TMEM156: variants seen among roughly 807,000 people sequenced by gnomAD.
TMEM156 encodes the protein transmembrane protein 156.
A neutral mutation model predicts 30.5 loss-of-function variants in TMEM156; 28 were observed. The ratio of observed to expected loss-of-function variants is 0.92; its 90% CI spans 0.68 to 1.26. The LOEUF (loss-of-function observed/expected upper bound fraction) is 1.26. Among genes scored for constraint, TMEM156 ranks in the 50% most tolerant of loss-of-function variants. The pLI, the probability that TMEM156 is intolerant of heterozygous loss-of-function variation, is 0.00. For missense variants in TMEM156, 351 were observed against 340.6 expected (o/e 1.03, Z -0.24); for synonymous variants, 137 against 119.9 (o/e 1.14, Z -0.93).
chr4:39,001,932 A>G (rs1259745879), intron 1 of TMEM156, among the ~76,000 whole-genome samples: 2 of 143,002 alleles, frequency 1.4e-5, no homozygotes, highest in African/African-American at 5.0e-5. Flanking sequence ...TAAAAACCCT[A>G]GAAGAAAACC....
chr4:39,001,140 G>A (rs1033795534), intron 1 of TMEM156, among the ~76,000 whole-genome samples: 4 of 151,090 alleles, frequency 2.6e-5, no homozygotes, highest in African/African-American at 7.3e-5. Flanking sequence ...GGAGGCTGAG[G>A]CGGGTGGATC....
At chr4:39,017,731 A>G (rs1714595202) in intron 1 of TMEM156, among the ~76,000 whole-genome samples, 1 of 152,188 alleles carries the variant, frequency 6.6e-6, no homozygotes, top group African/African-American at 2.4e-5. Context: ...ATTCTTGTGA[A>G]TTGAAACTTC....
chr4:39,008,477 T>C (rs189800924), intron 1 of TMEM156, among the ~76,000 whole-genome samples: 6 of 152,316 alleles, frequency 3.9e-5, no homozygotes, highest in Admixed American at 1.3e-4. Flanking sequence ...AATTTGATCA[T>C]TCTTCTACAT....
intron 1 of TMEM156, among the ~76,000 whole-genome samples, chr4:39,025,905 T>C (rs1217650573): frequency 6.6e-6 from 1 of 152,354 alleles, no homozygotes; most frequent in Middle Eastern, 3.4e-3. Context: ...AATCACAAGA[T>C]GTTTGTGAAC....
At chr4:39,016,337 T>C (rs1714480105) in intron 1 of TMEM156, among the ~76,000 whole-genome samples, 1 of 150,198 alleles carries the variant, frequency 6.7e-6, no homozygotes, top group Non-Finnish European at 1.5e-5. Context: ...CACATCACTG[T>C]ACTCCAGGCT....
chr4:39,029,247 A>G (rs1358349318), intron 1 of TMEM156, among the ~76,000 whole-genome samples: 1 of 152,046 alleles, frequency 6.6e-6, no homozygotes, highest in Non-Finnish European at 1.5e-5. Flanking sequence ...TATAATATTT[A>G]TCTTAGAAAT....
intron 5 of TMEM156, among the ~76,000 whole-genome samples, chr4:38,982,961 C>T (rs919727414): frequency 3.3e-5 from 5 of 152,100 alleles, no homozygotes; most frequent in African/African-American, 1.2e-4. Flanking sequence ...AGATATTATC[C>T]CCTCTCCCTG....
At chr4:38,987,472 G>A (rs192688985) in intron 4 of TMEM156, among the ~76,000 whole-genome samples, 1 of 152,226 alleles carries the variant, frequency 6.6e-6, no homozygotes, top group South Asian at 2.1e-4. Context: ...CACTTGATAT[G>A]AAACTGCTCT....
rs9631712 is a variant in TMEM156 at position 39,015,408 on chromosome 4, T to C, written c.89-16499A>G. Reference sequence around the variant, plus strand: ...GGTAGCAGAAGAGTCAATGTCAGAGTGATACAATATGAGAAAGACTCAGCA... The same window carrying C: ...GGTAGCAGAAGAGTCAATGTCAGAGCGATACAATATGAGAAAGACTCAGCA... On this transcript the variant is annotated intron_variant, in intron 1 of 6. Transcript: ENST00000381938. Among the ~76,000 whole-genome samples the C allele has an allele frequency of 8.1e-3, 1,233 of 152,042 alleles. 25 individuals are homozygous for C. The highest frequency in any genetic ancestry group is 0.028 in the African/African-American group (1,145 of 41,448).
rs1223289044 is a variant in TMEM156, at chr4:39,001,172, C to T, written c.89-2263G>A. 3.4e-5 allele frequency among the ~76,000 whole-genome samples: 5 copies of T among 146,082 alleles called. No homozygotes were observed. The South Asian group carries it at 6.5e-4, about 19-fold the overall frequency. On this transcript the variant is annotated intron_variant, in intron 1 of 6. Coordinates refer to ENST00000381938, the MANE Select transcript of TMEM156 (RefSeq NM_024943.3). ...GATCACGAGGTCAGGAGATGGAGAC[C>T]ATCCTGGCTAACACAGTGAAACCCC...
At chr4:38,987,633 C>T (rs1034782245) in intron 4 of TMEM156, among the ~76,000 whole-genome samples, 1 of 152,218 alleles carries the variant, frequency 6.6e-6, no homozygotes, top group African/African-American at 2.4e-5. Flanking sequence ...ACAACCACCA[C>T]AATACTACTG....
At chr4:38,986,300 C>T in intron 5 of TMEM156, 36 bp downstream of exon 5, 2 of 1,472,668 alleles carry the variant, frequency 1.4e-6, no homozygotes, top group South Asian at 1.1e-5. Context: ...TTGGAATTTC[C>T]TGAGTGCTGT....
At chr4:38,981,923 T>C (rs1711594190) in intron 5 of TMEM156, among the ~76,000 whole-genome samples, 1 of 152,186 alleles carries the variant, frequency 6.6e-6, no homozygotes, top group Admixed American at 6.5e-5. Context: ...CAGTAAATAT[T>C]GGTTAAATAC....
At chr4:38,996,675 T>G (rs1394782764) in intron 2 of TMEM156, among the ~76,000 whole-genome samples, 1 of 152,152 alleles carries the variant, frequency 6.6e-6, no homozygotes, top group Non-Finnish European at 1.5e-5. Flanking sequence ...CCGGCTACTA[T>G]GGAAAACTGT....
At chr4:39,000,831 G>A (rs1713289785) in intron 1 of TMEM156, among the ~76,000 whole-genome samples, 2 of 152,070 alleles carry the variant, frequency 1.3e-5, no homozygotes, top group African/African-American at 4.8e-5. Flanking sequence ...AGGTTGCAGT[G>A]AGCCAAGATC....
chr4:39,001,403 A>G (rs1489651703), intron 1 of TMEM156, among the ~76,000 whole-genome samples: 2 of 151,580 alleles, frequency 1.3e-5, no homozygotes, highest in East Asian at 3.9e-4. Context: ...AAAGAAAAAA[A>G]AAAAAGAAAG....
At chr4:39,019,026 A>AG (rs1560384231) in intron 1 of TMEM156, among the ~76,000 whole-genome samples, 4 of 111,048 alleles carry the variant, frequency 3.6e-5, no homozygotes, top group African/African-American at 5.8e-5. Flanking sequence ...ATCTTAAAAA[A>AG]ACAAAACAAA....
At chr4:39,032,005 T>C (rs542705112) in intron 1 of TMEM156, among the ~76,000 whole-genome samples, 46 of 152,300 alleles carry the variant, frequency 3.0e-4, no homozygotes, top group South Asian at 1.0e-3. Context: ...ATTTTAAATA[T>C]TTTCATTTTT....
At chr4:38,970,092 C>A (rs139311995) in intron 6 of TMEM156, among the ~76,000 whole-genome samples, 1 of 152,152 alleles carries the variant, frequency 6.6e-6, no homozygotes, top group Non-Finnish European at 1.5e-5. Flanking sequence ...TGTCCCTTGA[C>A]CAAATGTCAC....
Sources: gnomAD v4.1 joint callset for allele counts (sites outside exome capture counted in the v4.1 genomes callset) on GRCh38, gnomAD v4.1.1 for gene constraint, MANE v1.5 for transcripts, NCBI Gene and HGNC (gene_info 2026-07-23, HGNC 2026-07-21) for gene names.